RIT2: variants seen among roughly 807,000 people sequenced by gnomAD.
The protein encoded by RIT2 is Ras like without CAAX 2, also known as GTP-binding protein Rit2.
In RIT2, 24 loss-of-function variants were observed where a neutral mutation model predicts 23.7. The observed-to-expected ratio is 1.01, with a 90% confidence interval of 0.73 to 1.43. The LOEUF is 1.43. Ranked by LOEUF, RIT2 falls within the 40% of genes most tolerant of loss-of-function variation. RIT2 has a pLI of 0.00. For synonymous variants in RIT2, 107 were observed against 91.1 expected, an observed-to-expected ratio of 1.17 and a Z score of -0.99; for missense variants, 236 against 266.9, an observed-to-expected ratio of 0.88 and a Z score of 0.81.
intron 3 of RIT2, among the ~76,000 whole-genome samples, chr18:42,924,427 G>T (rs1031794435): frequency 2.0e-5 from 3 of 151,678 alleles, no homozygotes; most frequent in African/African-American, 4.8e-5. Context: ...TCTACATTCT[G>T]CTGACTCTTT....
chr18:42,885,147 G>C (rs567992552), intron 4 of RIT2, among the ~76,000 whole-genome samples: 2 of 152,200 alleles, frequency 1.3e-5, no homozygotes, highest in African/African-American at 2.4e-5. Flanking sequence ...AATAAAATGA[G>C]AGCATTGAAA....
intron 1 of RIT2, among the ~76,000 whole-genome samples, chr18:43,059,903 G>C (rs1042743980): frequency 1.6e-4 from 24 of 152,210 alleles, no homozygotes; most frequent in East Asian, 1.6e-3. Context: ...ATGTCCTAGA[G>C]TGGGTCCAGG....
intron 4 of RIT2, among the ~76,000 whole-genome samples, chr18:42,755,937 G>C (rs1021172936): frequency 2.0e-5 from 3 of 152,042 alleles, no homozygotes; most frequent in Non-Finnish European, 4.4e-5. Flanking sequence ...TCTTAGACCT[G>C]AATGGCAAGT....
Position 42,743,231 on chromosome 18 carries a change from G to T in RIT2, c.*262C>A, listed in dbSNP as rs545541507. The stretch of plus-strand genomic sequence containing the variant: ...GCTAGACTCTTTAAAGGGAAATGAG[G>T]CAATTGGAATGTCAATTTTATTTAG... On this transcript the variant is annotated 3_prime_UTR_variant, in exon 5 of 5. Coordinates refer to ENST00000326695, the MANE Select transcript of RIT2 (RefSeq NM_002930.4). The T allele has an allele frequency of 2.3e-6, 1 of 427,674 alleles. No individual in the cohort carries two copies. The highest frequency in any genetic ancestry group is 2.0e-5 in the African/African-American group (1 of 49,824). The allele number at this position is 427,674 out of a possible 1,614,324, so 26.5% of individuals were successfully genotyped here. A position where few individuals can be genotyped will look rare whatever the true frequency, so the allele number is the denominator to read the frequency against.
chr18:42,878,703 A>G (rs139541819), intron 4 of RIT2, among the ~76,000 whole-genome samples: 1 of 151,920 alleles, frequency 6.6e-6, no homozygotes, highest in East Asian at 1.9e-4. Context: ...ACATTTCGTT[A>G]TTCTTTTGGT....
intron 3 of RIT2, among the ~76,000 whole-genome samples, chr18:42,956,408 T>C (rs1909971274): frequency 6.6e-6 from 1 of 152,140 alleles, no homozygotes; most frequent in African/African-American, 2.4e-5. Flanking sequence ...CACTTAGGCA[T>C]GGAGATAGTG....
chr18:42,892,222 T>C (rs1908199339), intron 4 of RIT2, among the ~76,000 whole-genome samples: 2 of 152,184 alleles, frequency 1.3e-5, no homozygotes, highest in Admixed American at 1.3e-4. Flanking sequence ...CTAATTCAGC[T>C]CTAAGTATAT....
At chr18:42,745,339 G>A (rs950208953) in intron 4 of RIT2, among the ~76,000 whole-genome samples, 1 of 152,116 alleles carries the variant, frequency 6.6e-6, no homozygotes, top group African/African-American at 2.4e-5. Context: ...TTTGTAATCA[G>A]GGCAGAAACC....
Position 42,923,761 on chromosome 18 carries a change from T to G in RIT2, c.237A>C (p.Ala79=). 6.4e-7 allele frequency: 1 copy of G among 1,566,912 alleles called. No homozygotes were observed. Among genetic ancestry groups the G allele is most frequent in the Non-Finnish European group, 8.6e-7 (1 of 1,165,398 alleles). The change falls in exon 4 of 5, where the codon GCA becomes GCC. Residue 79 remains alanine (A), a splice_region_variant and synonymous_variant. Coordinates refer to ENST00000326695, the MANE Select transcript of RIT2 (RefSeq NM_002930.4). ...YLDILDTAGQ[A]EFTAMREQYM... ...ACTGCTCCCGCATGGCTGTGAATTC[T>G]GCCTGCAGGAAAAAAAAAAAAAAAT...
At chr18:42,871,425 C>T (rs147519228) in intron 4 of RIT2, among the ~76,000 whole-genome samples, 86 of 152,050 alleles carry the variant, frequency 5.7e-4, no homozygotes, top group Middle Eastern at 6.8e-3. Flanking sequence ...CTATTACTTG[C>T]TAAATAATTA....
intron 4 of RIT2, among the ~76,000 whole-genome samples, chr18:42,792,558 T>C (rs1281271018): frequency 6.6e-6 from 1 of 152,196 alleles, no homozygotes; most frequent in African/African-American, 2.4e-5. Flanking sequence ...TCAGAGCATT[T>C]TCATATTCAT....
intron 1 of RIT2, among the ~76,000 whole-genome samples, chr18:43,038,977 T>C (rs1912059356): frequency 6.6e-6 from 1 of 152,166 alleles, no homozygotes; most frequent in Admixed American, 6.5e-5. Flanking sequence ...ATTGTTTCTC[T>C]TTGTTTTCAA....
At chr18:43,111,049 A>T (rs1913940356) in intron 1 of RIT2, among the ~76,000 whole-genome samples, 1 of 152,180 alleles carries the variant, frequency 6.6e-6, no homozygotes, top group African/African-American at 2.4e-5. Flanking sequence ...AAGTAACTTA[A>T]GTGTCCATCA....
chr18:43,038,646 T>C (rs969901526), intron 1 of RIT2, among the ~76,000 whole-genome samples: 2 of 152,096 alleles, frequency 1.3e-5, no homozygotes, highest in African/African-American at 2.4e-5. Context: ...TCTGATTCTG[T>C]GTTTAAATTC....
At chr18:42,901,255 A>T (rs376495755) in intron 4 of RIT2, among the ~76,000 whole-genome samples, 28 of 152,172 alleles carry the variant, frequency 1.8e-4, no homozygotes, top group African/African-American at 6.7e-4. Context: ...AGTTCTGCCA[A>T]TGTACAATTG....
At chr18:42,988,671 A>G (rs1910770621) in intron 2 of RIT2, among the ~76,000 whole-genome samples, 1 of 152,244 alleles carries the variant, frequency 6.6e-6, no homozygotes, top group Non-Finnish European at 1.5e-5. Context: ...AGCTATTATC[A>G]ACCACAAACA....
chr18:43,093,411 C>T (rs1231084959), intron 1 of RIT2, among the ~76,000 whole-genome samples: 2 of 152,026 alleles, frequency 1.3e-5, no homozygotes, highest in Non-Finnish European at 2.9e-5. Context: ...ATCACACTTA[C>T]TTCAGCTACA....
At chr18:43,000,022 T>C (rs2013890296) in intron 2 of RIT2, among the ~76,000 whole-genome samples, 2 of 152,032 alleles carry the variant, frequency 1.3e-5, no homozygotes, top group Non-Finnish European at 2.9e-5. Flanking sequence ...TCTAAGAAAA[T>C]GTATAAATGA....
chr18:42,963,855 C>T (rs1488646607), intron 3 of RIT2, among the ~76,000 whole-genome samples: 1 of 152,108 alleles, frequency 6.6e-6, no homozygotes, highest in African/African-American at 2.4e-5. Flanking sequence ...GATATTGCAC[C>T]ACTGCACTCC....
Sources: gnomAD v4.1 joint callset for allele counts (sites outside exome capture counted in the v4.1 genomes callset) on GRCh38, gnomAD v4.1.1 for gene constraint, MANE v1.5 for transcripts, NCBI Gene and HGNC (gene_info 2026-07-23, HGNC 2026-07-21) for gene names.